ART1: variants seen among roughly 807,000 people sequenced by gnomAD.
The protein encoded by ART1 is GPI-linked NAD(P)(+)--arginine ADP-ribosyltransferase 1.
ART1 carries 29 observed loss-of-function variants against 27.0 expected under a neutral mutation model. That is an observed-to-expected ratio of 1.08 (90% confidence interval 0.80 to 1.47). The LOEUF is 1.47. Ranked by LOEUF, ART1 falls within the 40% of genes most tolerant of loss-of-function variation. The probability of loss-of-function intolerance (pLI) is 0.00; values close to 1 mark genes in which losing one functional copy is unlikely to be tolerated. For synonymous variants in ART1, 201 were observed against 172.2 expected, an observed-to-expected ratio of 1.17 and a Z score of -1.31; for missense variants, 480 against 423.0, an observed-to-expected ratio of 1.13 and a Z score of -1.18.
chr11:3,659,295 G>C lies in ART1; in HGVS notation c.63+19G>C, dbSNP rs1425392836. 1 of 1,614,046 alleles carries C rather than the reference G, an allele frequency of 6.2e-7. No individual in the cohort carries two copies. Among genetic ancestry groups the C allele is most frequent in the South Asian group, 1.1e-5 (1 of 91,070 alleles). ...ACTTCAGGTATGGGCATCCCCCACT[G>C]TTCCCACCCCAGCAGGGAACTGAGC... On this transcript the variant is annotated intron_variant, in intron 2 of 4. Coordinates refer to ENST00000250693, the MANE Select transcript of ART1 (RefSeq NM_004314.3).
chr11:3,653,167 C>A (rs1263383677), intron 1 of ART1, among the ~76,000 whole-genome samples: 1 of 148,590 alleles, frequency 6.7e-6, no homozygotes, highest in Non-Finnish European at 1.5e-5. Context: ...AAAATTTTCA[C>A]CGTCCCAACA....
Position 3,663,089 on chromosome 11 carries a change from ATCATCTCATCTCATC to A in ART1, c.887-962_887-948del, listed in dbSNP as rs58565508. On this transcript the variant is annotated intron_variant, in intron 4 of 4. Coordinates refer to ENST00000250693, the MANE Select transcript of ART1 (RefSeq NM_004314.3). ...TCATCTCATCTCATCATCTCATCTCATCATCTCATCTCATCTCATCTCATCTCATCTCATCTCATC... is the reference window on the plus strand; with the variant it reads ...TCATCTCATCTCATCATCTCATCTCATCATCTCATCTCATCTCATCTCATC... Among the ~76,000 whole-genome samples, 383 of 87,064 alleles carry A rather than the reference ATCATCTCATCTCATC, an allele frequency of 4.4e-3. 3 individuals are homozygous for A. Among genetic ancestry groups the A allele is most frequent in the African/African-American group, 0.016 (360 of 22,478 alleles). The allele number at this position is 87,064 out of a possible 152,430, so 57.1% of individuals were successfully genotyped here. A position where few individuals can be genotyped will look rare whatever the true frequency, so the allele number is the denominator to read the frequency against.
intron 1 of ART1, among the ~76,000 whole-genome samples, chr11:3,649,591 C>A (rs1338618297): frequency 6.6e-6 from 1 of 152,204 alleles, no homozygotes; most frequent in Non-Finnish European, 1.5e-5. Flanking sequence ...TGCTCCTCGC[C>A]AGGCTGAGCT....
At chr11:3,652,224 C>A (rs1349612311) in intron 1 of ART1, among the ~76,000 whole-genome samples, 1 of 150,960 alleles carries the variant, frequency 6.6e-6, no homozygotes, top group Non-Finnish European at 1.5e-5. Flanking sequence ...GACACTTTCA[C>A]TGGATAGGTA....
intron 1 of ART1, among the ~76,000 whole-genome samples, chr11:3,656,565 G>A (rs2077576737): frequency 6.7e-6 from 1 of 149,814 alleles, no homozygotes; most frequent in African/African-American, 2.5e-5. Context: ...GTATTTTTGT[G>A]GAGATGGGGT....
At chr11:3,646,603 C>G (rs1275687411) in intron 1 of ART1, among the ~76,000 whole-genome samples, 1 of 152,148 alleles carries the variant, frequency 6.6e-6, no homozygotes, top group East Asian at 1.9e-4. Flanking sequence ...AGGAGGAGTG[C>G]GGCTCCACCT....
At chr11:3,648,529 C>T (rs112191555) in intron 1 of ART1, among the ~76,000 whole-genome samples, 5,756 of 152,256 alleles carry the variant, frequency 0.038, 170 homozygotes, top group South Asian at 0.13. Context: ...TCAATCTTGG[C>T]GCCACACTTC....
intron 1 of ART1, among the ~76,000 whole-genome samples, chr11:3,651,080 C>G (rs1161405488): frequency 2.0e-5 from 3 of 152,064 alleles, no homozygotes; most frequent in Non-Finnish European, 4.4e-5. Flanking sequence ...TCAGAATCCG[C>G]GCCTTATCAA....
At chr11:3,648,508 T>TC (rs1351153575) in intron 1 of ART1, among the ~76,000 whole-genome samples, 1 of 152,158 alleles carries the variant, frequency 6.6e-6, no homozygotes, top group Non-Finnish European at 1.5e-5. Context: ...TCCCTCAACC[T>TC]CTTTCCCCTT....
intron 1 of ART1, among the ~76,000 whole-genome samples, chr11:3,649,766 A>C (rs1386655493): frequency 2.0e-5 from 3 of 152,232 alleles, no homozygotes; most frequent in Non-Finnish European, 4.4e-5. Flanking sequence ...GGCGTAGTCA[A>C]GGTTAATGCT....
At position 3,660,187 on chromosome 11, in the gene ART1, C is replaced by T. The variant is rs2077609293; in HGVS notation, c.668C>T (p.Thr223Ile). Reference sequence around the variant, plus strand: ...GAGGACACCTTCTTCGGCATCTGGACCTGCCTTGGGGCCCCTATCAAGGGC... The same window carrying T: ...GAGGACACCTTCTTCGGCATCTGGATCTGCCTTGGGGCCCCTATCAAGGGC... The part of the protein sequence containing the change: ...FGEDTFFGIW[T>I]CLGAPIKGYS... The change falls in exon 3 of 5, where the codon ACC (threonine) becomes ATC (isoleucine). Residue 223 changes from threonine (T) to isoleucine (I), a missense_variant. Transcript: ENST00000250693. The T allele has an allele frequency of 1.2e-6, 2 of 1,613,970 alleles. No individual in the cohort carries two copies. The highest frequency in any genetic ancestry group is 1.3e-5 in the African/African-American group (1 of 74,944).
rs779962910 is a variant in ART1 at position 3,664,180 on chromosome 11, C to A, written c.975C>A (p.Gly325=). 6 of 1,613,848 alleles carry A rather than the reference C, an allele frequency of 3.7e-6. No homozygotes were observed. The South Asian group carries it at 5.5e-5, about 15-fold the overall frequency. ...LVVRAFPDGP[G]LL Reference sequence around the variant, plus strand: ...TGAGGGCCTTTCCAGATGGTCCAGGCCTCCTTTGATGCATGAGACACGGGA... The same window carrying A: ...TGAGGGCCTTTCCAGATGGTCCAGGACTCCTTTGATGCATGAGACACGGGA... Residue 325 remains glycine (G), a synonymous_variant, in exon 5 of 5, where the codon GGC becomes GGA. Transcript: ENST00000250693.
chr11:3,650,555 G>A (rs891706282), intron 1 of ART1, among the ~76,000 whole-genome samples: 2 of 152,164 alleles, frequency 1.3e-5, no homozygotes, highest in African/African-American at 4.8e-5. Flanking sequence ...TCAAGGGCTT[G>A]TTTCCCTTGC....
At chr11:3,660,384 C>T (rs1016131400) in intron 3 of ART1, 21 bp downstream of exon 3, 21 of 1,585,392 alleles carry the variant, frequency 1.3e-5, no homozygotes, top group South Asian at 4.5e-5. Context: ...AAGCGCTGGT[C>T]GGCACCTGTG....
rs755516212 is a variant in ART1, at chr11:3,661,405, A to G, written c.878A>G (p.Asp293Gly). The change falls in exon 4 of 5, where the codon GAT becomes GGT. Residue 293 changes from aspartate (D) to glycine (G), a missense_variant. Transcript: ENST00000250693. Reference sequence around the variant, plus strand: ...TGCAAGTCTGGGCCTTGCCATCTGGATAATTCAGGTAAGGGCTGCAGGCAC... The same window carrying G: ...TGCAAGTCTGGGCCTTGCCATCTGGGTAATTCAGGTAAGGGCTGCAGGCAC... ...KKCKSGPCHL[D>G]NSAMGQSPLS... 6.9e-6 allele frequency: 11 copies of G among 1,598,032 alleles called. No homozygotes were observed. In the East Asian group the frequency reaches 9.1e-5, roughly 13 times the overall value.
At chr11:3,651,368 C>A (rs2077520686) in intron 1 of ART1, among the ~76,000 whole-genome samples, 1 of 150,908 alleles carries the variant, frequency 6.6e-6, no homozygotes, top group Non-Finnish European at 1.5e-5. Context: ...TGTTACCTAT[C>A]TTGGCATAAT....
At chr11:3,646,677 C>T (rs2077471475) in intron 1 of ART1, among the ~76,000 whole-genome samples, 1 of 152,164 alleles carries the variant, frequency 6.6e-6, no homozygotes, top group Non-Finnish European at 1.5e-5. Context: ...TTCCCTTGCT[C>T]TGGGGATCTC....
chr11:3,659,892 A>G lies in ART1; in HGVS notation c.373A>G (p.Ser125Gly), dbSNP rs760204892. 5.0e-6 allele frequency: 8 copies of G among 1,612,832 alleles called. No individual in the cohort carries two copies. The East Asian group carries it at 1.3e-4, about 27-fold the overall frequency. ...GVALLAYTAN[S>G]PLHKEFNAAV... Reference sequence around the variant, plus strand: ...GGCCCTCCTGGCCTACACAGCCAACAGCCCCCTGCACAAGGAGTTCAATGC... The same window carrying G: ...GGCCCTCCTGGCCTACACAGCCAACGGCCCCCTGCACAAGGAGTTCAATGC... The change falls in exon 3 of 5, where the codon AGC becomes GGC. Residue 125 changes from serine (S) to glycine (G), a missense_variant. Ser to Gly is a moderately conservative substitution (Grantham distance 56). Transcript: ENST00000250693.
At position 3,660,856 on chromosome 11, in the gene ART1, T is replaced by C. The variant is rs565656687; in HGVS notation, c.844+493T>C. 1.8e-4 allele frequency among the ~76,000 whole-genome samples: 27 copies of C among 152,280 alleles called. No individual in the cohort carries two copies. The South Asian group carries it at 5.6e-3, about 32-fold the overall frequency. ...TGGGGGCAAGGAGACAGCAGTTGGG[T>C]GCTGTGCCCCTAAGGTCCAGCTCAG... On this transcript the variant is annotated intron_variant, in intron 3 of 4. Coordinates refer to ENST00000250693, the MANE Select transcript of ART1 (RefSeq NM_004314.3).
Sources: gnomAD v4.1 joint callset for allele counts (sites outside exome capture counted in the v4.1 genomes callset) on GRCh38, gnomAD v4.1.1 for gene constraint, MANE v1.5 for transcripts, NCBI Gene and HGNC (gene_info 2026-07-23, HGNC 2026-07-21) for gene names.